Variants in PCDH9 observed in about 807,000 individuals in gnomAD.
PCDH9 encodes the protein protocadherin-9.
PCDH9 carries 24 observed loss-of-function variants against 70.6 expected under a neutral mutation model. That is an observed-to-expected ratio of 0.34 (90% confidence interval 0.25 to 0.48). The LOEUF (loss-of-function observed/expected upper bound fraction) is 0.48, where lower values mean the gene tolerates loss of function less well. PCDH9 is among the 20% of genes least tolerant of loss of function. The probability of loss-of-function intolerance (pLI) is 0.99; values close to 1 mark genes in which losing one functional copy is unlikely to be tolerated. For missense variants in PCDH9, 1,281 were observed against 1,503.6 expected (o/e 0.85, Z 2.45); for synonymous variants, 562 against 558.5 (o/e 1.01, Z -0.09).
Position 66,789,917 on chromosome 13 carries a change from T to C in PCDH9, c.3138+113587A>G, listed in dbSNP as rs557731322. Among the ~76,000 whole-genome samples the C allele has an allele frequency of 2.0e-5, 3 of 152,284 alleles. No homozygotes were observed. In the South Asian group the frequency reaches 6.2e-4, roughly 32 times the overall value. On this transcript the variant is annotated intron_variant, in intron 3 of 4. Coordinates refer to ENST00000377865, the MANE Select transcript of PCDH9 (RefSeq NM_203487.3). Reference sequence around the variant, plus strand: ...TTCTATTCTTCAGCAAAAAATTCTGTCTATTTGAGTAAGGCTGGAGTCTAG... The same window carrying C: ...TTCTATTCTTCAGCAAAAAATTCTGCCTATTTGAGTAAGGCTGGAGTCTAG...
intron 4 of PCDH9, among the ~76,000 whole-genome samples, chr13:66,574,970 C>T (rs1325702045): frequency 6.6e-6 from 1 of 151,990 alleles, no homozygotes; most frequent in East Asian, 1.9e-4. Flanking sequence ...GTCAGGAGTT[C>T]GAGACCAACC....
At chr13:67,165,196 A>G (rs920489287) in intron 2 of PCDH9, among the ~76,000 whole-genome samples, 8 of 152,300 alleles carry the variant, frequency 5.3e-5, no homozygotes, top group Non-Finnish European at 1.2e-4. Flanking sequence ...TTTATTAGTG[A>G]ATTGTACTGA....
intron 4 of PCDH9, among the ~76,000 whole-genome samples, chr13:66,326,865 A>C (rs938828196): frequency 2.0e-5 from 3 of 152,156 alleles, no homozygotes; most frequent in African/African-American, 7.2e-5. Context: ...ACAAAACAAA[A>C]TGCCTCTTCT....
At chr13:66,572,305 A>C (rs962874362) in intron 4 of PCDH9, among the ~76,000 whole-genome samples, 4 of 152,140 alleles carry the variant, frequency 2.6e-5, no homozygotes, top group Non-Finnish European at 5.9e-5. Context: ...GTGCTAGCAT[A>C]CACTCAAGCT....
intron 2 of PCDH9, among the ~76,000 whole-genome samples, chr13:67,184,496 A>G (rs1172819376): frequency 6.6e-6 from 1 of 152,184 alleles, no homozygotes; most frequent in East Asian, 1.9e-4. Flanking sequence ...TGGGAGGCTA[A>G]GGCGGGCAGT....
intron 2 of PCDH9, among the ~76,000 whole-genome samples, chr13:67,074,349 C>T (rs1298293184): frequency 2.0e-5 from 3 of 152,052 alleles, no homozygotes; most frequent in East Asian, 1.9e-4. Context: ...ACCCAGAAAA[C>T]GGAGTCTTCA....
intron 3 of PCDH9, among the ~76,000 whole-genome samples, chr13:66,727,379 T>C (rs555302721): frequency 6.6e-6 from 1 of 152,328 alleles, no homozygotes; most frequent in Admixed American, 6.5e-5. Flanking sequence ...TAATTTGCTA[T>C]CTGCTTAATA....
At chr13:67,146,593 A>G (rs559674643) in intron 2 of PCDH9, among the ~76,000 whole-genome samples, 1 of 152,318 alleles carries the variant, frequency 6.6e-6, no homozygotes, top group African/African-American at 2.4e-5. Flanking sequence ...TAAAGTGCAC[A>G]AAAATATGCA....
chr13:66,320,228 G>C (rs1249168018), intron 4 of PCDH9, among the ~76,000 whole-genome samples: 1 of 152,002 alleles, frequency 6.6e-6, no homozygotes, highest in Non-Finnish European at 1.5e-5. Context: ...ATTTATGCTG[G>C]ATTTATAATC....
In PCDH9 at chr13:66,691,896, T is replaced by C. The variant is rs1026860676; in HGVS notation, c.3139-60485A>G. Among the ~76,000 whole-genome samples the C allele has an allele frequency of 2.6e-5, 4 of 152,224 alleles. 1 individual carries two copies. The highest frequency in any genetic ancestry group is 2.6e-4 in the Admixed American group (4 of 15,290). On this transcript the variant is annotated intron_variant, in intron 3 of 4. Transcript: ENST00000377865. ...AAGACATGCTTATTATATATTGGAG[T>C]CCTTTGAAAATACTACTACCTACTT...
chr13:66,551,749 AT>A (rs920075751), intron 4 of PCDH9, among the ~76,000 whole-genome samples: 3 of 152,060 alleles, frequency 2.0e-5, no homozygotes, highest in African/African-American at 7.2e-5. Context: ...TGTAAATTAT[AT>A]TTTTTTCATC....
intron 2 of PCDH9, among the ~76,000 whole-genome samples, chr13:66,942,413 C>G (rs528421262): frequency 6.6e-6 from 1 of 151,286 alleles, no homozygotes; most frequent in Non-Finnish European, 1.5e-5. Context: ...TGTTTAGATG[C>G]GTGAAAGTAA....
chr13:66,354,147 C>A (rs181540339), intron 4 of PCDH9, among the ~76,000 whole-genome samples: 136 of 152,120 alleles, frequency 8.9e-4, no homozygotes, highest in Non-Finnish European at 1.4e-3. Flanking sequence ...TTCTTTTTCT[C>A]TCTCTTTTTT....
intron 4 of PCDH9, among the ~76,000 whole-genome samples, chr13:66,368,105 T>C (rs528533372): frequency 4.6e-5 from 7 of 152,020 alleles, no homozygotes; most frequent in Non-Finnish European, 1.0e-4. Flanking sequence ...GAGGTACATA[T>C]CAATAAAATT....
At chr13:66,522,486 G>A (rs1199315954) in intron 4 of PCDH9, among the ~76,000 whole-genome samples, 2 of 152,036 alleles carry the variant, frequency 1.3e-5, no homozygotes, top group East Asian at 1.9e-4. Context: ...TAGCTTATGC[G>A]TATCAGTAGG....
intron 2 of PCDH9, chr13:67,223,456 T>C (rs1023228984): frequency 5.3e-5 from 8 of 152,242 alleles, no homozygotes; most frequent in African/African-American, 1.9e-4. Flanking sequence ...AAAGTTTAAG[T>C]CATATTAGTT....
intron 4 of PCDH9, among the ~76,000 whole-genome samples, chr13:66,404,465 G>C (rs768973561): frequency 6.6e-5 from 10 of 151,950 alleles, no homozygotes; most frequent in Non-Finnish European, 1.2e-4. Flanking sequence ...ATGTAAAGCT[G>C]GTAATGAAAA....
At chr13:66,392,611 G>T (rs1287096977) in intron 4 of PCDH9, among the ~76,000 whole-genome samples, 1 of 152,128 alleles carries the variant, frequency 6.6e-6, no homozygotes, top group Non-Finnish European at 1.5e-5. Context: ...AGTCTGCAGA[G>T]CACAAAGTGA....
intron 4 of PCDH9, among the ~76,000 whole-genome samples, chr13:66,586,655 G>A (rs1593733036): frequency 6.6e-6 from 1 of 152,190 alleles, no homozygotes; most frequent in East Asian, 1.9e-4. Context: ...CCGAGGAAGG[G>A]AAATGACACT....
Sources: gnomAD v4.1 joint callset for allele counts (sites outside exome capture counted in the v4.1 genomes callset) on GRCh38, gnomAD v4.1.1 for gene constraint, MANE v1.5 for transcripts, NCBI Gene and HGNC (gene_info 2026-07-23, HGNC 2026-07-21) for gene names.